The following ETV1 variants were observed in gnomAD, a reference collection of about 807,000 sequenced individuals.
ETV1 encodes ETS variant transcription factor 1.
A neutral mutation model predicts 62.3 loss-of-function variants in ETV1; 27 were observed. The observed-to-expected ratio is 0.43, with a 90% CI of 0.32 to 0.60. ETV1 has a LOEUF of 0.60. Ranked by LOEUF, ETV1 falls within the 20% of genes least tolerant of loss-of-function variation. The pLI is 0.06. For missense variants in ETV1, 605 were observed against 605.8 expected, an observed-to-expected ratio of 1.00 and a Z score of 0.01; for synonymous variants, 222 against 199.6, an observed-to-expected ratio of 1.11 and a Z score of -0.94.
chr7:13,925,907 C>T (rs1243389414), intron 9 of ETV1, among the ~76,000 whole-genome samples: 1 of 151,910 alleles, frequency 6.6e-6, no homozygotes, highest in African/African-American at 2.4e-5. Flanking sequence ...GAAAGCAGCA[C>T]ATAAGCATTG....
rs550210377 is a variant in ETV1, at chr7:13,894,925, A to T, written c.*941T>A. ...TTTGCTGTAACTAGAACAGCATAAT[A>T]CATGATTTAGTACAGTTAATTCTTA... On this transcript the variant is annotated 3_prime_UTR_variant, in exon 14 of 14. Transcript: ENST00000430479. 6.9e-5 allele frequency: 16 copies of T among 232,950 alleles called. No individual in the cohort carries two copies. The South Asian group carries it at 2.4e-3, about 34-fold the overall frequency. 14.4% of individuals were successfully genotyped at this position (232,950 alleles called of 1,614,324 possible). A position where few individuals can be genotyped will look rare whatever the true frequency, so the allele number is the denominator to read the frequency against.
At chr7:13,929,127 GATA>G (rs1785785642) in intron 9 of ETV1, among the ~76,000 whole-genome samples, 1 of 152,142 alleles carries the variant, frequency 6.6e-6, no homozygotes, top group African/African-American at 2.4e-5. Flanking sequence ...GGGGAATAAG[GATA>G]ATATCAATTA....
chr7:13,895,698 C>T lies in ETV1; in HGVS notation c.*168G>A. On this transcript the variant is annotated 3_prime_UTR_variant, in exon 14 of 14. Coordinates refer to ENST00000430479, the MANE Select transcript of ETV1 (RefSeq NM_004956.5). ...CCCACCCACCCTCAAATAAAGTGCA[C>T]AGTCCATGGCAGACCATAGAATAAT... 1.7e-6 allele frequency: 1 copy of T among 594,642 alleles called. No homozygotes were observed. Among genetic ancestry groups the T allele is most frequent in the Non-Finnish European group, 3.0e-6 (1 of 335,970 alleles). The allele number at this position is 594,642 out of a possible 1,614,324, so 36.8% of individuals were successfully genotyped here. A position where few individuals can be genotyped will look rare whatever the true frequency, so the allele number is the denominator to read the frequency against.
chr7:13,905,970 C>G (rs1394147956), intron 12 of ETV1, among the ~76,000 whole-genome samples: 10 of 152,154 alleles, frequency 6.6e-5, no homozygotes, highest in African/African-American at 2.4e-4. Context: ...ACTTTGGCCT[C>G]TAAATGCTCC....
chr7:13,907,683 T>C (rs1783112706), intron 11 of ETV1: 2 of 311,688 alleles, frequency 6.4e-6, no homozygotes, highest in South Asian at 6.5e-5. Flanking sequence ...AGTGCATAAA[T>C]TGCTCTTCTC....
upstream of ETV1, among the ~76,000 whole-genome samples, chr7:13,990,258 A>G (rs957092485): frequency 6.6e-6 from 1 of 152,168 alleles, no homozygotes; most frequent in Non-Finnish European, 1.5e-5. Flanking sequence ...GTCATCCTCA[A>G]CTAAAATTAG....
At chr7:13,921,228 G>A (rs1459260795) in intron 9 of ETV1, among the ~76,000 whole-genome samples, 6 of 152,138 alleles carry the variant, frequency 3.9e-5, no homozygotes, top group South Asian at 2.1e-4. Context: ...ATAAGGCCAC[G>A]GTTTAGCCTT....
Position 13,911,258 on chromosome 7 carries a change from A to G in ETV1, c.852T>C (p.Ala284=), listed in dbSNP as rs770425513. 2 of 1,612,900 alleles carry G rather than the reference A, an allele frequency of 1.2e-6. No homozygotes were observed. The highest frequency in any genetic ancestry group is 2.2e-5 in the South Asian group (2 of 90,990). The change falls in exon 10 of 14, where the codon GCT becomes GCC. Residue 284 remains alanine, a synonymous_variant. Transcript: ENST00000430479. ...SIYMRQEGFL[A]HPSRTEGCMF... ...ACTTAACTTCTGTTCTGCTGGGATGAGCCAGGAAGCCTTCTTGCCTCATAT... is the reference window on the plus strand; with the variant it reads ...ACTTAACTTCTGTTCTGCTGGGATGGGCCAGGAAGCCTTCTTGCCTCATAT...
chr7:13,906,889 C>CT (rs370070050), intron 11 of ETV1, among the ~76,000 whole-genome samples: 8,525 of 151,336 alleles, frequency 0.056, 319 homozygotes, highest in African/African-American at 0.11. Flanking sequence ...GTGGAACTAT[C>CT]TTTTTTTTTA....
chr7:13,916,672 T>C (rs118088949), intron 9 of ETV1, among the ~76,000 whole-genome samples: 2,330 of 152,168 alleles, frequency 0.015, 27 homozygotes, highest in Non-Finnish European at 0.023. Flanking sequence ...CTCATGCATG[T>C]AATCTTGGCA....
chr7:13,973,015 A>C (rs947199284), intron 6 of ETV1, among the ~76,000 whole-genome samples: 3 of 152,220 alleles, frequency 2.0e-5, no homozygotes, highest in Non-Finnish European at 4.4e-5. Context: ...TCCAATTAAA[A>C]TATTTTGTAA....
At chr7:13,934,346 C>T (rs1435432781) in intron 8 of ETV1, among the ~76,000 whole-genome samples, 4 of 152,182 alleles carry the variant, frequency 2.6e-5, no homozygotes, top group Admixed American at 2.6e-4. Flanking sequence ...CATCTTACGC[C>T]CTTTATAGCA....
intron 4 of ETV1, chr7:13,986,890 T>C (rs1323433290): frequency 2.4e-5 from 12 of 505,336 alleles, no homozygotes; most frequent in Non-Finnish European, 3.8e-5. Context: ...CTTTAAGAAA[T>C]TATTTTAGTC....
chr7:13,908,228 G>A (rs1213486197), intron 11 of ETV1, among the ~76,000 whole-genome samples: 1 of 152,086 alleles, frequency 6.6e-6, no homozygotes, highest in Non-Finnish European at 1.5e-5. Flanking sequence ...AAATTGAAGA[G>A]TATTTAAAAG....
chr7:13,893,774 A>G lies in ETV1; in HGVS notation c.*2092T>C. On this transcript the variant is annotated 3_prime_UTR_variant, in exon 14 of 14. Transcript: ENST00000430479. ...TTTTCCAATAAAACTTTCACTGAAT[A>G]TTTTAACATCTGTTTTTATTCTAAG... is the stretch of plus-strand genomic sequence containing the variant. The G allele has an allele frequency of 4.3e-6, 1 of 232,938 alleles. No individual in the cohort carries two copies. The highest frequency in any genetic ancestry group is 8.5e-6 in the Non-Finnish European group (1 of 117,652). 14.4% of individuals were successfully genotyped at this position (232,938 alleles called of 1,614,324 possible).
At chr7:13,968,609 T>C (rs935855898) in intron 6 of ETV1, among the ~76,000 whole-genome samples, 10 of 151,894 alleles carry the variant, frequency 6.6e-5, no homozygotes, top group Admixed American at 6.6e-4. Context: ...ACCTACTTCC[T>C]ATAAGGGAAA....
At chr7:13,931,076 C>T (rs1484664319) in intron 9 of ETV1, among the ~76,000 whole-genome samples, 3 of 151,918 alleles carry the variant, frequency 2.0e-5, no homozygotes, top group Non-Finnish European at 2.9e-5. Context: ...TCCACTGCAC[C>T]GGGACCCCAG....
upstream of ETV1, chr7:13,989,696 T>A (rs1782875053): frequency 5.0e-6 from 2 of 398,504 alleles, no homozygotes; most frequent in Non-Finnish European, 8.8e-6. Context: ...GTTTTTCCTC[T>A]ACTTCTCCTC....
chr7:13,911,934 T>G (rs919832662), intron 9 of ETV1, among the ~76,000 whole-genome samples: 1 of 152,174 alleles, frequency 6.6e-6, no homozygotes, highest in African/African-American at 2.4e-5. Context: ...TCTTAACCAA[T>G]GGTACTTCAA....
Sources: gnomAD v4.1 joint callset for allele counts (sites outside exome capture counted in the v4.1 genomes callset) on GRCh38, gnomAD v4.1.1 for gene constraint, MANE v1.5 for transcripts, NCBI Gene and HGNC (gene_info 2026-07-23, HGNC 2026-07-21) for gene names.